Variants in CPXM2 observed in about 807,000 individuals in gnomAD.
CPXM2 encodes carboxypeptidase X, M14 family member 2, also known as inactive carboxypeptidase-like protein X2.
A neutral mutation model predicts 86.1 loss-of-function variants in CPXM2; 66 were observed. That is an observed-to-expected ratio of 0.77 (90% CI 0.63 to 0.94). CPXM2 has a LOEUF of 0.94. Ranked by LOEUF, CPXM2 falls within the 40% of genes least tolerant of loss-of-function variation. The pLI is 0.00. For synonymous variants in CPXM2, 388 were observed against 400.2 expected, an observed-to-expected ratio of 0.97 and a Z score of 0.36; for missense variants, 948 against 1,026.3, an observed-to-expected ratio of 0.92 and a Z score of 1.04.
At chr10:123,793,702 T>G (rs1403261838) in intron 6 of CPXM2, among the ~76,000 whole-genome samples, 2 of 152,120 alleles carry the variant, frequency 1.3e-5, no homozygotes, top group Admixed American at 1.3e-4. Context: ...AGGCCCAGAA[T>G]GAGGAAGCCA....
At chr10:123,925,088 G>A (rs1228548620) in intron 2 of CPXM2, among the ~76,000 whole-genome samples, 5 of 145,924 alleles carry the variant, frequency 3.4e-5, no homozygotes, top group African/African-American at 1.0e-4. Flanking sequence ...GTCATGATAA[G>A]TCATAAATTA....
chr10:123,829,993 C>G (rs1047607262), intron 4 of CPXM2, among the ~76,000 whole-genome samples: 1 of 149,028 alleles, frequency 6.7e-6, no homozygotes, highest in South Asian at 2.1e-4. Flanking sequence ...ATACCCTACA[C>G]CAAAATAAAT....
chr10:123,936,753 C>G (rs28379667), intron 2 of CPXM2, among the ~76,000 whole-genome samples: 34,458 of 152,138 alleles, frequency 0.23, 4,326 homozygotes, highest in Middle Eastern at 0.32. Context: ...CACTTTCTCT[C>G]TCCCCATACT....
upstream of CPXM2, among the ~76,000 whole-genome samples, chr10:123,942,230 A>G (rs972830908): frequency 1.3e-5 from 2 of 152,178 alleles, no homozygotes; most frequent in African/African-American, 4.8e-5. Context: ...TCAGTCAAGG[A>G]TGTGTCAGAG....
At chr10:123,912,119 C>T (rs903780459) in intron 2 of CPXM2, among the ~76,000 whole-genome samples, 1 of 152,056 alleles carries the variant, frequency 6.6e-6, no homozygotes, top group Non-Finnish European at 1.5e-5. Context: ...TTCCCTCTCC[C>T]CACTCCTGAG....
upstream of CPXM2, among the ~76,000 whole-genome samples, chr10:123,894,735 C>A (rs150227510): frequency 1.9e-3 from 287 of 152,312 alleles, no homozygotes; most frequent in Non-Finnish European, 3.2e-3. Context: ...CTCTCCTTCA[C>A]CTTCTAATAC....
At chr10:123,892,632 C>T (rs1042688343), upstream of CPXM2, among the ~76,000 whole-genome samples, 3 of 152,212 alleles carry the variant, frequency 2.0e-5, no homozygotes, top group African/African-American at 4.8e-5. Flanking sequence ...CAAACAACAC[C>T]TATCTCACAG....
chr10:123,750,521 A>G (rs899797379), intron 13 of CPXM2: 1 of 985,256 alleles, frequency 1.0e-6, no homozygotes, highest in Non-Finnish European at 1.2e-6. Context: ...TTTCCCACCT[A>G]TTTGTAAATA....
chr10:123,865,303 A>T lies in CPXM2; in HGVS notation c.404-2580T>A, dbSNP rs1192335450. 6.6e-6 allele frequency among the ~76,000 whole-genome samples: 1 copy of T among 152,232 alleles called. No homozygotes were observed. The highest frequency in any genetic ancestry group is 1.5e-5 in the Non-Finnish European group (1 of 68,036). On this transcript the variant is annotated intron_variant, in intron 2 of 13. Coordinates refer to ENST00000241305, the MANE Select transcript of CPXM2 (RefSeq NM_198148.3). This position sits in a 1 kb window ranked among gnomAD's most constrained non-coding sequence, Gnocchi z 4.7. ...TGCCCGTGCCACTTACAAAGAAGCT[A>T]GAGATTCCACACAGAGAAAACACAA...
intron 2 of CPXM2, among the ~76,000 whole-genome samples, chr10:123,925,389 T>A (rs986006105): frequency 1.3e-5 from 2 of 152,230 alleles, no homozygotes; most frequent in Non-Finnish European, 2.9e-5. Context: ...TTCCAGTGAA[T>A]CCAAGATCAC....
chr10:123,805,104 T>C (rs1847551750), intron 4 of CPXM2, among the ~76,000 whole-genome samples: 1 of 152,126 alleles, frequency 6.6e-6, no homozygotes, highest in Non-Finnish European at 1.5e-5. Flanking sequence ...TAAGAAAACA[T>C]CAAGATGTTT....
intron 6 of CPXM2, among the ~76,000 whole-genome samples, chr10:123,794,771 G>GTGTGTGT (rs1847292118): frequency 1.4e-5 from 2 of 143,062 alleles, no homozygotes; most frequent in South Asian, 2.2e-4. Context: ...GTGTGTGTGC[G>GTGTGTGT]CATGTGTGTG....
chr10:123,839,412 G>A (rs1848340496), intron 4 of CPXM2, among the ~76,000 whole-genome samples: 1 of 152,100 alleles, frequency 6.6e-6, no homozygotes, highest in Non-Finnish European at 1.5e-5. Flanking sequence ...CATTCCATGT[G>A]AATGAGTCTT....
At chr10:123,778,814 C>T (rs760152729) in intron 7 of CPXM2, among the ~76,000 whole-genome samples, 1 of 152,140 alleles carries the variant, frequency 6.6e-6, no homozygotes, top group Non-Finnish European at 1.5e-5. Context: ...CATATAAATA[C>T]CCTCAAAATG....
chr10:123,782,879 A>G (rs1846967082), intron 6 of CPXM2, among the ~76,000 whole-genome samples: 2 of 152,228 alleles, frequency 1.3e-5, no homozygotes, highest in African/African-American at 4.8e-5. Context: ...ACAGGTCATA[A>G]AGACCTTGCT....
intron 6 of CPXM2, among the ~76,000 whole-genome samples, chr10:123,790,026 G>A (rs950529391): frequency 6.6e-6 from 1 of 152,174 alleles, no homozygotes; most frequent in Non-Finnish European, 1.5e-5. Flanking sequence ...GCTGAGACAG[G>A]AGAATGGTGT....
chr10:123,825,106 G>C (rs1377913370), intron 4 of CPXM2, among the ~76,000 whole-genome samples: 1 of 152,128 alleles, frequency 6.6e-6, no homozygotes, highest in Non-Finnish European at 1.5e-5. Context: ...TTACCTTCTG[G>C]ATCTAAACTG....
chr10:123,837,151 G>A (rs569243821), intron 4 of CPXM2, among the ~76,000 whole-genome samples: 13 of 152,330 alleles, frequency 8.5e-5, no homozygotes, highest in Admixed American at 6.5e-4. Context: ...AAAGCTGAAC[G>A]TGGAACTCCT....
At chr10:123,933,125 TG>T (rs1945681950) in intron 2 of CPXM2, among the ~76,000 whole-genome samples, 1 of 152,144 alleles carries the variant, frequency 6.6e-6, no homozygotes, top group South Asian at 2.1e-4. Context: ...AAACCAAGCA[TG>T]GGGCTCCACC....
Sources: allele counts gnomAD v4.1 joint callset (sites outside exome capture counted in the v4.1 genomes callset), GRCh38; gene constraint gnomAD v4.1.1; non-coding constraint Gnocchi (gnomAD v3.1); transcripts MANE v1.5; gene names NCBI Gene and HGNC (gene_info 2026-07-23, HGNC 2026-07-21).